Variants in UNC13B observed in about 807,000 individuals in gnomAD.
The protein encoded by UNC13B is unc-13 homolog B.
In UNC13B, 144 loss-of-function variants were observed where a neutral mutation model predicts 211.0. The observed-to-expected ratio is 0.68, with a 90% CI of 0.60 to 0.78. The LOEUF (loss-of-function observed/expected upper bound fraction) is 0.78, where lower values mean the gene tolerates loss of function less well. Ranked by LOEUF, UNC13B falls within the 30% of genes least tolerant of loss-of-function variation. UNC13B has a pLI of 0.00. For missense variants in UNC13B, 1,777 were observed against 2,002.0 expected (o/e 0.89, Z 2.14); for synonymous variants, 709 against 725.8 (o/e 0.98, Z 0.37).
intron 11 of UNC13B, among the ~76,000 whole-genome samples, chr9:35,337,964 G>A (rs957061226): frequency 2.0e-5 from 3 of 152,106 alleles, no homozygotes; most frequent in Non-Finnish European, 4.4e-5. Flanking sequence ...GAGGATCCTC[G>A]GTATATGGCC....
chr9:35,253,097 T>A (rs1039992310), intron 6 of UNC13B, among the ~76,000 whole-genome samples: 1 of 152,236 alleles, frequency 6.6e-6, no homozygotes, highest in African/African-American at 2.4e-5. Context: ...AATATTACTA[T>A]GTATTTATAA....
intron 3 of UNC13B, among the ~76,000 whole-genome samples, chr9:35,232,755 C>G (rs1161966688): frequency 6.6e-6 from 1 of 152,088 alleles, no homozygotes; most frequent in Non-Finnish European, 1.5e-5. Flanking sequence ...AAAGCTGGCA[C>G]TCAGGGAAGA....
rs1829764230 is a variant in UNC13B at position 35,303,091 on chromosome 9, A to G, written c.3687A>G (p.Ser1229=). 1 of 398,640 alleles carries G rather than the reference A, an allele frequency of 2.5e-6. No individual in the cohort carries two copies. The highest frequency in any genetic ancestry group is 1.3e-4 in the South Asian group (1 of 7,858). 24.7% of individuals were successfully genotyped at this position (398,640 alleles called of 1,614,324 possible). A position where few individuals can be genotyped will look rare whatever the true frequency, so the allele number is the denominator to read the frequency against. Residue 1229 remains serine, a synonymous_variant, in exon 9 of 40, where the codon TCA becomes TCG. Transcript: ENST00000635942. ...HLSLDEVPAT[S]CVTSENPKNH... is the part of the protein sequence containing the mutation. ...CCTTGGATGAGGTCCCTGCTACTTC[A>G]TGTGTGACTTCTGAGAACCCGAAGA...
chr9:35,404,043 A>G lies in UNC13B; in HGVS notation c.*10A>G. The G allele has an allele frequency of 6.2e-7, 1 of 1,606,710 alleles. No individual in the cohort carries two copies. The highest frequency in any genetic ancestry group is 2.2e-5 in the East Asian group (1 of 44,744). Reference sequence around the variant, plus strand: ...GGAGGAGGGGAGCTGAACACCTTCGACTCCTGTGCCAATCAGGCAGCAGCA... The same window carrying G: ...GGAGGAGGGGAGCTGAACACCTTCGGCTCCTGTGCCAATCAGGCAGCAGCA... On this transcript the variant is annotated 3_prime_UTR_variant, in exon 40 of 40. Coordinates refer to ENST00000635942, the MANE Select transcript of UNC13B (RefSeq NM_001371189.2).
intron 1 of UNC13B, among the ~76,000 whole-genome samples, chr9:35,195,060 G>A (rs1392697574): frequency 8.2e-6 from 1 of 122,066 alleles, no homozygotes; most frequent in African/African-American, 3.1e-5. Context: ...ACTCAGGGAA[G>A]GCTGGCCACC....
rs372741607 is a variant in UNC13B at position 35,399,227 on chromosome 9, C to T, written c.12141C>T (p.Arg4047=). Residue 4047 remains arginine, a synonymous_variant, in exon 34 of 40, where the codon CGC becomes CGT. Coordinates refer to ENST00000635942, the MANE Select transcript of UNC13B (RefSeq NM_001371189.2). ...VLKRVLKELW[R]VVMNTMERMI... ...AGCGTGTACTGAAGGAGCTCTGGCG[C>T]GTGGTGATGAACACAATGGAGAGGA... is the stretch of plus-strand genomic sequence containing the variant. 80 of 1,614,112 alleles carry T rather than the reference C, an allele frequency of 5.0e-5. No homozygotes were observed. In the African/African-American group the frequency reaches 6.1e-4, roughly 12 times the overall value.
At chr9:35,364,909 G>C (rs1217096991) in intron 11 of UNC13B, among the ~76,000 whole-genome samples, 1 of 152,204 alleles carries the variant, frequency 6.6e-6, no homozygotes, top group African/African-American at 2.4e-5. Flanking sequence ...AGCTCAGTGT[G>C]TGTCCATTTT....
chr9:35,288,271 C>G (rs1828903668), intron 7 of UNC13B, among the ~76,000 whole-genome samples: 1 of 152,160 alleles, frequency 6.6e-6, no homozygotes, highest in African/African-American at 2.4e-5. Context: ...AAATCTGATC[C>G]TGTCTTTCCC....
intron 9 of UNC13B, among the ~76,000 whole-genome samples, chr9:35,309,857 G>A (rs189109548): frequency 4.2e-4 from 64 of 152,296 alleles, no homozygotes; most frequent in South Asian, 2.7e-3. Context: ...GAGACCATTC[G>A]TTTGTGTATT....
chr9:35,370,761 G>C (rs1469606098), intron 13 of UNC13B, among the ~76,000 whole-genome samples: 1 of 152,188 alleles, frequency 6.6e-6, no homozygotes. Context: ...CATTGAGCTT[G>C]GTATGGGATG....
chr9:35,324,612 A>G lies in UNC13B; in HGVS notation c.9414+10623A>G, dbSNP rs117611614. ...ACTTAGTGGTTGCTTTTCAGTGTTT[A>G]TCTTATTGGACCTCTTTGCAGTATT... is the stretch of plus-strand genomic sequence containing the variant. On this transcript the variant is annotated intron_variant, in intron 11 of 39. Coordinates refer to ENST00000635942, the MANE Select transcript of UNC13B (RefSeq NM_001371189.2). Among the ~76,000 whole-genome samples, 562 of 152,202 alleles carry G rather than the reference A, an allele frequency of 3.7e-3. 2 individuals carry two copies. Among genetic ancestry groups the G allele is most frequent in the Non-Finnish European group, 4.4e-3 (297 of 67,996 alleles).
At chr9:35,210,648 C>T (rs1029739467) in intron 1 of UNC13B, among the ~76,000 whole-genome samples, 4 of 152,198 alleles carry the variant, frequency 2.6e-5, no homozygotes, top group South Asian at 2.1e-4. Context: ...CTCAGCCTCC[C>T]GAGTAGCTGG....
At chr9:35,313,337 G>A (rs1830275945) in intron 10 of UNC13B, among the ~76,000 whole-genome samples, 1 of 152,058 alleles carries the variant, frequency 6.6e-6, no homozygotes, top group South Asian at 2.1e-4. Flanking sequence ...AGGAAAAGAA[G>A]GAACAGATGA....
intron 8 of UNC13B, among the ~76,000 whole-genome samples, chr9:35,297,050 C>T (rs142261454): frequency 1.3e-5 from 2 of 149,850 alleles, no homozygotes; most frequent in African/African-American, 4.9e-5. Context: ...TTTAATTTAG[C>T]AAAAATTTCA....
At chr9:35,366,053 C>T (rs549297869) in intron 11 of UNC13B, among the ~76,000 whole-genome samples, 1 of 152,170 alleles carries the variant, frequency 6.6e-6, no homozygotes, top group African/African-American at 2.4e-5. Context: ...AATTCTGCCT[C>T]CCTTCTGGAG....
intron 11 of UNC13B, among the ~76,000 whole-genome samples, chr9:35,339,753 G>A (rs984550198): frequency 6.6e-6 from 1 of 152,260 alleles, no homozygotes; most frequent in South Asian, 2.1e-4. Context: ...AGCCCAAGCT[G>A]CTTAGAAAAA....
chr9:35,384,083 C>T (rs1029195779), intron 21 of UNC13B, among the ~76,000 whole-genome samples, 163 bp from the exon 22 acceptor site: 9 of 152,098 alleles, frequency 5.9e-5, no homozygotes, highest in East Asian at 1.9e-4. Context: ...TCATTTTTTC[C>T]GTTACACTGT....
intron 1 of UNC13B, among the ~76,000 whole-genome samples, chr9:35,221,561 T>G (rs550608180): frequency 6.6e-6 from 1 of 152,354 alleles, no homozygotes; most frequent in South Asian, 2.1e-4. Flanking sequence ...ATTGTTTTCT[T>G]TGCTGTGCTG....
intron 7 of UNC13B, among the ~76,000 whole-genome samples, chr9:35,267,344 C>A (rs1192342356): frequency 6.6e-6 from 1 of 152,200 alleles, no homozygotes; most frequent in Non-Finnish European, 1.5e-5. Context: ...TTCTCTGTGT[C>A]CGAGTGACTA....
Sources: allele counts gnomAD v4.1 joint callset (sites outside exome capture counted in the v4.1 genomes callset), GRCh38; gene constraint gnomAD v4.1.1; transcripts MANE v1.5; gene names NCBI Gene and HGNC (gene_info 2026-07-23, HGNC 2026-07-21).